The following TMEM132B variants were observed in gnomAD, a reference collection of about 807,000 sequenced individuals.
TMEM132B encodes transmembrane protein 132B.
A neutral mutation model predicts 90.8 loss-of-function variants in TMEM132B; 18 were observed. That is an observed-to-expected ratio of 0.20 (90% CI 0.14 to 0.29). The LOEUF is 0.29. Among genes scored for constraint, TMEM132B ranks in the 10% least tolerant of loss-of-function variants. The pLI is 1.00. For synonymous variants in TMEM132B, 504 were observed against 523.3 expected (o/e 0.96, Z 0.50); for missense variants, 1,096 against 1,326.8 (o/e 0.83, Z 2.70).
At chr12:125,493,182 G>A (rs921901974) in intron 3 of TMEM132B, among the ~76,000 whole-genome samples, 3 of 152,204 alleles carry the variant, frequency 2.0e-5, no homozygotes, top group Non-Finnish European at 4.4e-5. Context: ...TGGAGCCATG[G>A]CCAGACTGCT....
rs1887220073 is a variant in TMEM132B at position 125,662,212 on chromosome 12, A to C, written c.*7502A>C. ...TATAAACAGAGCATGCTGTTATGAC[A>C]TTGTGCTTCTATATACCTTTTTGTA... On this transcript the variant is annotated 3_prime_UTR_variant, in exon 9 of 9. Transcript: ENST00000682704. 6.6e-6 allele frequency: 1 copy of C among 152,186 alleles called. No individual in the cohort carries two copies. 9.4% of individuals were successfully genotyped at this position (152,186 alleles called of 1,614,324 possible).
chr12:125,644,167 C>G lies in TMEM132B; in HGVS notation c.1529C>G (p.Thr510Ser). 6.2e-7 allele frequency: 1 copy of G among 1,614,220 alleles called. No homozygotes were observed. Among genetic ancestry groups the G allele is most frequent in the Non-Finnish European group, 8.5e-7 (1 of 1,180,036 alleles). The change falls in exon 6 of 9, where the codon ACC becomes AGC. Residue 510 changes from threonine to serine, a missense_variant. Coordinates refer to ENST00000682704, the MANE Select transcript of TMEM132B (RefSeq NM_001366854.1). ...GTGAACTTCACCCACCAGCACTTCA[C>G]CTCCCAGTTCGAGGTCACTGTCTGG... is the stretch of plus-strand genomic sequence containing the variant. Reference protein sequence around the residue: ...TIVNFTHQHFTSQFEVTVWAP... With the variant: ...TIVNFTHQHFSSQFEVTVWAP...
At chr12:125,364,118 A>G (rs1185903660) in intron 2 of TMEM132B, among the ~76,000 whole-genome samples, 1 of 152,172 alleles carries the variant, frequency 6.6e-6, no homozygotes, top group Middle Eastern at 3.2e-3. Context: ...ATATATGTGG[A>G]CATCATAAAC....
chr12:125,452,946 G>A (rs749008215), intron 3 of TMEM132B, among the ~76,000 whole-genome samples: 1 of 151,928 alleles, frequency 6.6e-6, no homozygotes, highest in Non-Finnish European at 1.5e-5. Flanking sequence ...GCCTTACGTT[G>A]TAAGTATTGC....
intron 3 of TMEM132B, among the ~76,000 whole-genome samples, chr12:125,514,507 C>T (rs1210444940): frequency 1.3e-5 from 2 of 152,236 alleles, no homozygotes; most frequent in East Asian, 3.9e-4. Flanking sequence ...AAAATTAATG[C>T]CTAGAAAAAG....
intron 4 of TMEM132B, among the ~76,000 whole-genome samples, chr12:125,535,770 A>T (rs1883778908): frequency 6.6e-6 from 1 of 152,186 alleles, no homozygotes; most frequent in African/African-American, 2.4e-5. Context: ...ACCACCTTTG[A>T]TTCTGGAAAA....
At chr12:125,393,422 A>T (rs1593120346) in intron 2 of TMEM132B, among the ~76,000 whole-genome samples, 1 of 152,230 alleles carries the variant, frequency 6.6e-6, no homozygotes, top group East Asian at 1.9e-4. Context: ...ACAAATAGAG[A>T]CGCAATACAA....
At chr12:125,294,023 A>C (rs75511178) in intron 1 of TMEM132B, among the ~76,000 whole-genome samples, 1,829 of 152,328 alleles carry the variant, frequency 0.012, 29 homozygotes, top group African/African-American at 0.04. Context: ...CCAGCCTTGC[A>C]GCCAGCAAGC....
At chr12:125,380,585 G>C (rs1878650940) in intron 2 of TMEM132B, among the ~76,000 whole-genome samples, 1 of 152,220 alleles carries the variant, frequency 6.6e-6, no homozygotes, top group Non-Finnish European at 1.5e-5. Flanking sequence ...CCAAGCATGT[G>C]ATTGGAGCAT....
chr12:125,279,102 T>C (rs1234649592), intron 1 of TMEM132B, among the ~76,000 whole-genome samples: 1 of 152,176 alleles, frequency 6.6e-6, no homozygotes, highest in African/African-American at 2.4e-5. Flanking sequence ...AACCATACCT[T>C]TGCCATCCCT....
intron 4 of TMEM132B, among the ~76,000 whole-genome samples, chr12:125,561,640 A>C (rs1227031968): frequency 6.6e-6 from 1 of 152,166 alleles, no homozygotes; most frequent in Non-Finnish European, 1.5e-5. Context: ...CAATCTCCTT[A>C]TATCTCCATC....
chr12:125,293,624 G>C (rs1215671833), intron 1 of TMEM132B, among the ~76,000 whole-genome samples: 1 of 152,212 alleles, frequency 6.6e-6, no homozygotes, highest in Non-Finnish European at 1.5e-5. Flanking sequence ...CAAAGGACAT[G>C]ATTTTGTTCT....
In TMEM132B at chr12:125,432,528, T is replaced by TATAG. The variant is rs1458075923; in HGVS notation, c.1106+16852_1106+16853insTAGA. ...GTGTGTGTGTATATATATATATATA[T>TATAG]AGAGAGAGAGAGAGAGAGAGAGAGA... On this transcript the variant is annotated intron_variant, in intron 3 of 8. Coordinates refer to ENST00000682704, the MANE Select transcript of TMEM132B (RefSeq NM_001366854.1). Among the ~76,000 whole-genome samples the TATAG allele has an allele frequency of 5.3e-3, 209 of 39,122 alleles. 62 individuals are homozygous for TATAG. The highest frequency in any genetic ancestry group is 0.01 in the South Asian group (11 of 1,078). 25.7% of individuals were successfully genotyped at this position (39,122 alleles called of 152,430 possible).
intron 1 of TMEM132B, among the ~76,000 whole-genome samples, chr12:125,278,415 A>G (rs1430378442): frequency 6.6e-6 from 1 of 151,730 alleles, no homozygotes; most frequent in Non-Finnish European, 1.5e-5. Context: ...ATTGGTTTTT[A>G]ATTTCAAAAA....
intron 1 of TMEM132B, among the ~76,000 whole-genome samples, chr12:125,203,358 T>C (rs187297216): frequency 2.7e-4 from 41 of 152,318 alleles, no homozygotes; most frequent in African/African-American, 9.6e-4. Flanking sequence ...CTAGAGGCAG[T>C]GCACAGCTGC....
chr12:125,226,370 A>G (rs898409242), intron 1 of TMEM132B, among the ~76,000 whole-genome samples: 3 of 152,222 alleles, frequency 2.0e-5, no homozygotes, highest in Non-Finnish European at 4.4e-5. Context: ...TGGCTGTGAC[A>G]CTTTCCTACT....
rs1565976529 is a variant in TMEM132B, at chr12:125,213,978, G to C, written c.67+27112G>C. ...TTTGTGTGCCAGGGCACATAAGTTT[G>C]GGGGATAGAGAGAACAATAGTACCC... On this transcript the variant is annotated intron_variant, in intron 1 of 8. Transcript: ENST00000682704. This position sits in a 1 kb window ranked among gnomAD's most constrained non-coding sequence, Gnocchi z 4.2. Among the ~76,000 whole-genome samples, 2 of 152,180 alleles carry C rather than the reference G, an allele frequency of 1.3e-5. No homozygotes were observed. Among genetic ancestry groups the C allele is most frequent in the South Asian group, 2.1e-4 (1 of 4,818 alleles).
chr12:125,338,540 T>C (rs1394917462), intron 1 of TMEM132B, among the ~76,000 whole-genome samples: 1 of 152,228 alleles, frequency 6.6e-6, no homozygotes, highest in Admixed American at 6.5e-5. Context: ...AGTGGGTGTC[T>C]CATCTTCAGA....
chr12:125,571,177 C>T (rs971318720), intron 4 of TMEM132B, among the ~76,000 whole-genome samples: 5 of 152,176 alleles, frequency 3.3e-5, no homozygotes, highest in African/African-American at 7.2e-5. Context: ...CAGCCGGGAT[C>T]GGGGACTCTG....
Sources: allele counts gnomAD v4.1 joint callset (sites outside exome capture counted in the v4.1 genomes callset), GRCh38; gene constraint gnomAD v4.1.1; non-coding constraint Gnocchi (gnomAD v3.1); transcripts MANE v1.5; gene names NCBI Gene and HGNC (gene_info 2026-07-23, HGNC 2026-07-21).